Variants in IL33 observed in about 807,000 individuals in gnomAD.
IL33 encodes the protein interleukin 33, also known as interleukin-33.
Under a neutral mutation model 27.3 loss-of-function variants are expected in IL33, and 37 were observed. That is an observed-to-expected ratio of 1.36 (90% CI 1.04 to 1.78). The LOEUF (loss-of-function observed/expected upper bound fraction) is 1.78. Ranked by LOEUF, IL33 falls within the 40% of genes most tolerant of loss-of-function variation. The pLI, the probability that IL33 is intolerant of heterozygous loss-of-function variation, is 0.00. For synonymous variants in IL33, 132 were observed against 102.9 expected, an observed-to-expected ratio of 1.28 and a Z score of -1.71; for missense variants, 406 against 311.4, an observed-to-expected ratio of 1.30 and a Z score of -2.29.
At chr9:6,239,435 A>T (rs1401957064) in intron 1 of IL33, among the ~76,000 whole-genome samples, 1 of 152,188 alleles carries the variant, frequency 6.6e-6, no homozygotes, top group African/African-American at 2.4e-5. Flanking sequence ...CCACATGCAC[A>T]CTGGAAGGAC....
chr9:6,221,776 G>C (rs1306171215), intron 1 of IL33, among the ~76,000 whole-genome samples: 1 of 152,136 alleles, frequency 6.6e-6, no homozygotes, highest in Admixed American at 6.6e-5. Context: ...CAAAGGAAAG[G>C]CTACCAATTA....
intron 1 of IL33, among the ~76,000 whole-genome samples, chr9:6,239,163 A>G (rs752562396): frequency 6.6e-6 from 1 of 152,240 alleles, no homozygotes; most frequent in East Asian, 1.9e-4. Flanking sequence ...AGCAAGCTCC[A>G]GCACAAAAGA....
At chr9:6,246,553 T>G (rs1053355118) in intron 2 of IL33, among the ~76,000 whole-genome samples, 2 of 151,892 alleles carry the variant, frequency 1.3e-5, no homozygotes, top group South Asian at 2.1e-4. Flanking sequence ...AGAGCGAGTC[T>G]CCATCTCAAA....
chr9:6,251,314 A>G, intron 4 of IL33, 49 bp downstream of exon 4: 11 of 1,604,318 alleles, frequency 6.9e-6, no homozygotes, highest in Non-Finnish European at 9.4e-6. Flanking sequence ...GAGGTATGAC[A>G]CAGGACCCCG....
intron 2 of IL33, among the ~76,000 whole-genome samples, chr9:6,245,095 C>G (rs373507780): frequency 6.6e-6 from 1 of 152,138 alleles, no homozygotes; most frequent in Non-Finnish European, 1.5e-5. Flanking sequence ...TTCTTTCCCC[C>G]ACATCCATCA....
At chr9:6,239,287 G>A (rs916530886) in intron 1 of IL33, among the ~76,000 whole-genome samples, 3 of 152,096 alleles carry the variant, frequency 2.0e-5, no homozygotes, top group African/African-American at 7.2e-5. Context: ...GCTCAGGAGG[G>A]CATGCTTGGA....
intron 1 of IL33, among the ~76,000 whole-genome samples, chr9:6,233,151 T>C (rs891385913): frequency 1.5e-4 from 23 of 152,314 alleles, no homozygotes; most frequent in African/African-American, 5.3e-4. Flanking sequence ...CACTGAACAA[T>C]AACACCACAT....
chr9:6,215,317 C>G (rs1319746724), upstream of IL33, among the ~76,000 whole-genome samples: 1 of 152,094 alleles, frequency 6.6e-6, no homozygotes, highest in Non-Finnish European at 1.5e-5. Context: ...CAGTGGGGAG[C>G]AGGAAAGCCC....
At chr9:6,233,902 C>T (rs948146076) in intron 1 of IL33, among the ~76,000 whole-genome samples, 2 of 152,144 alleles carry the variant, frequency 1.3e-5, no homozygotes, top group African/African-American at 2.4e-5. Context: ...CCACTCTGCG[C>T]AGTCCAGTGC....
chr9:6,238,038 G>T (rs1319911267), intron 1 of IL33, among the ~76,000 whole-genome samples: 2 of 152,158 alleles, frequency 1.3e-5, no homozygotes, highest in African/African-American at 2.4e-5. Flanking sequence ...TTGGACAACT[G>T]CTTTGTGTAT....
intron 1 of IL33, among the ~76,000 whole-genome samples, chr9:6,231,834 C>T (rs545457982): frequency 6.6e-6 from 1 of 152,242 alleles, no homozygotes; most frequent in South Asian, 2.1e-4. Flanking sequence ...CCAGTTGTGT[C>T]TCTTTTCAGA....
intron 4 of IL33, among the ~76,000 whole-genome samples, chr9:6,252,068 C>CAAAAAAAAAAAAAAAAAAAAAAAAAAAAA (rs1564073279): frequency 1.3e-5 from 1 of 74,846 alleles, no homozygotes; most frequent in African/African-American, 5.6e-5. Context: ...AAAAAAAACC[C>CAAAAAAAAAAAAAAAAAAAAAAAAAAAAA]AACAAAAAAC....
At chr9:6,216,243 A>G (rs923655269) in intron 1 of IL33, among the ~76,000 whole-genome samples, 9 of 152,206 alleles carry the variant, frequency 5.9e-5, no homozygotes, top group African/African-American at 2.2e-4. Context: ...CAATCATCCC[A>G]TCTCAGCTTC....
intron 1 of IL33, among the ~76,000 whole-genome samples, chr9:6,231,900 A>C (rs1474301562): frequency 6.6e-6 from 1 of 152,144 alleles, no homozygotes; most frequent in African/African-American, 2.4e-5. Flanking sequence ...TATTATCTAA[A>C]TTTTCCACAA....
rs140118637 is a variant in IL33, at chr9:6,231,132, C to T, written c.-11-10552C>T. On this transcript the variant is annotated intron_variant, in intron 1 of 7. Coordinates refer to ENST00000682010, the MANE Select transcript of IL33 (RefSeq NM_033439.4). ...GACTCCTGGCTGGTCTCATCCCTTCCCTCTTATTGCCCTCCATCTGTTTCT... is the reference window on the plus strand; with the variant it reads ...GACTCCTGGCTGGTCTCATCCCTTCTCTCTTATTGCCCTCCATCTGTTTCT... Among the ~76,000 whole-genome samples, 115 of 152,298 alleles carry T rather than the reference C, an allele frequency of 7.6e-4. 1 individual carries two copies. Among genetic ancestry groups the T allele is most frequent in the African/African-American group, 2.5e-3 (103 of 41,556 alleles).
chr9:6,251,403 G>C (rs1179330805), intron 4 of IL33, 138 bp downstream of exon 4: 1 of 1,283,990 alleles, frequency 7.8e-7, no homozygotes, highest in African/African-American at 1.5e-5. Flanking sequence ...TGCAGCTGAT[G>C]TACCCATCTA....
At chr9:6,247,609 C>G (rs1819939472) in intron 2 of IL33, among the ~76,000 whole-genome samples, 2 of 152,104 alleles carry the variant, frequency 1.3e-5, no homozygotes, top group African/African-American at 4.8e-5. Context: ...TAAGCCATTG[C>G]CCTCAGCGAG....
At chr9:6,219,970 C>T (rs1374354385) in intron 1 of IL33, among the ~76,000 whole-genome samples, 1 of 152,198 alleles carries the variant, frequency 6.6e-6, no homozygotes, top group African/African-American at 2.4e-5. Context: ...TCATTTAGTG[C>T]ATCTCTAATC....
At chr9:6,218,917 T>TATATATGTTCTCC (rs1818294665) in intron 1 of IL33, among the ~76,000 whole-genome samples, 1 of 118,338 alleles carries the variant, frequency 8.5e-6, no homozygotes, top group Non-Finnish European at 1.7e-5. Context: ...TATATATATA[T>TATATATGTTCTCC]ATATATATAT....
Sources: allele counts gnomAD v4.1 joint callset (sites outside exome capture counted in the v4.1 genomes callset), GRCh38; gene constraint gnomAD v4.1.1; transcripts MANE v1.5; gene names NCBI Gene and HGNC (gene_info 2026-07-23, HGNC 2026-07-21).